Variants in CDX1 observed in about 807,000 individuals in gnomAD.
The protein encoded by CDX1 is homeobox protein CDX-1.
Under a neutral mutation model 16.9 loss-of-function variants are expected in CDX1, and 9 were observed. The observed-to-expected ratio is 0.53, with a 90% CI of 0.32 to 0.93. The LOEUF is 0.93. Ranked by LOEUF, CDX1 falls within the 40% of genes least tolerant of loss-of-function variation. CDX1 has a pLI of 0.04. For synonymous variants in CDX1, 179 were observed against 179.0 expected (o/e 1.00, Z 0.00); for missense variants, 393 against 386.1 (o/e 1.02, Z -0.15).
At position 150,167,267 on chromosome 5, in the gene CDX1, A is replaced by G. The variant is rs1488107066; in HGVS notation, c.391A>G (p.Thr131Ala). ...TPSSPGAQRP[T>A]PYEWMRRSVA... The stretch of plus-strand genomic sequence containing the variant: ...GTCCTCGCCCGGAGCGCAGAGGCCG[A>G]CGCCCTACGAGTGGATGCGGCGCAG... Residue 131 changes from threonine (T) to alanine (A), a missense_variant, in exon 1 of 3, where the codon ACG becomes GCG. Coordinates refer to ENST00000231656, the MANE Select transcript of CDX1 (RefSeq NM_001804.3). 1.6e-6 allele frequency: 2 copies of G among 1,267,494 alleles called. No homozygotes were observed. The highest frequency in any genetic ancestry group is 2.0e-6 in the Non-Finnish European group (2 of 1,012,834). 78.5% of individuals were successfully genotyped at this position (1,267,494 alleles called of 1,614,324 possible).
chr5:150,177,915 C>G (rs1212211400), intron 1 of CDX1, among the ~76,000 whole-genome samples: 1 of 152,166 alleles, frequency 6.6e-6, no homozygotes, highest in Non-Finnish European at 1.5e-5. Flanking sequence ...CACAGCCCCT[C>G]TCCAGAGCCC....
At position 150,183,718 on chromosome 5, in the gene CDX1, T is replaced by C. The variant is rs778111175; in HGVS notation, c.*38T>C. 4 of 1,462,312 alleles carry C rather than the reference T, an allele frequency of 2.7e-6. No homozygotes were observed. The highest frequency in any genetic ancestry group is 2.7e-6 in the Non-Finnish European group (3 of 1,096,486). 90.6% of individuals were successfully genotyped at this position (1,462,312 alleles called of 1,614,324 possible). A position where few individuals can be genotyped will look rare whatever the true frequency, so the allele number is the denominator to read the frequency against. ...CCTGTGCGCCGGGGGACCTGGGGAC[T>C]CGGGTGCTGGGAGTGTGGCTCCTGT... On this transcript the variant is annotated 3_prime_UTR_variant, in exon 3 of 3. Transcript: ENST00000231656.
At chr5:150,176,946 C>T (rs1180804914) in intron 1 of CDX1, among the ~76,000 whole-genome samples, 1 of 152,232 alleles carries the variant, frequency 6.6e-6, no homozygotes, top group Non-Finnish European at 1.5e-5. Context: ...CTGGACCACC[C>T]AGGGAGGAGT....
chr5:150,181,729 T>C (rs1055101669), intron 1 of CDX1, among the ~76,000 whole-genome samples: 1 of 152,166 alleles, frequency 6.6e-6, no homozygotes, highest in South Asian at 2.1e-4. Flanking sequence ...TCTGAAACAC[T>C]TATCAACTAG....
chr5:150,168,648 G>A (rs2113947332), intron 1 of CDX1, among the ~76,000 whole-genome samples: 1 of 152,358 alleles, frequency 6.6e-6, no homozygotes, highest in African/African-American at 2.4e-5. Flanking sequence ...GGCATAGAGA[G>A]TTTAAGTACT....
intron 1 of CDX1, among the ~76,000 whole-genome samples, chr5:150,175,509 A>C (rs1761557499): frequency 6.6e-6 from 1 of 152,032 alleles, no homozygotes; most frequent in East Asian, 2.0e-4. Flanking sequence ...AGGACTCCCA[A>C]AATGGCTGGC....
intron 2 of CDX1, 104 bp downstream of exon 2, chr5:150,183,017 G>T: frequency 7.5e-7 from 1 of 1,335,884 alleles, no homozygotes; most frequent in Non-Finnish European, 1.0e-6. Flanking sequence ...CAGAGAGGTT[G>T]AGTCTCCAGG....
At chr5:150,171,198 C>T (rs1311274452) in intron 1 of CDX1, among the ~76,000 whole-genome samples, 1 of 152,248 alleles carries the variant, frequency 6.6e-6, no homozygotes, top group East Asian at 1.9e-4. Flanking sequence ...AACCTGCTGT[C>T]TCACCTTCAG....
At chr5:150,181,782 C>T (rs1360958810) in intron 1 of CDX1, among the ~76,000 whole-genome samples, 2 of 152,140 alleles carry the variant, frequency 1.3e-5, no homozygotes, top group South Asian at 4.1e-4. Flanking sequence ...CATCATCTCC[C>T]TCCCCTAGAA....
chr5:150,183,746 G>T lies in CDX1; in HGVS notation c.*66G>T. The T allele has an allele frequency of 2.3e-6, 3 of 1,324,090 alleles. No homozygotes were observed. The highest frequency in any genetic ancestry group is 3.0e-6 in the Non-Finnish European group (3 of 988,068). 82.0% of individuals were successfully genotyped at this position (1,324,090 alleles called of 1,614,324 possible). On this transcript the variant is annotated 3_prime_UTR_variant, in exon 3 of 3. Transcript: ENST00000231656. ...GGTGCTGGGAGTGTGGCTCCTGTGG[G>T]CCCAGGAGGTCTGGTCCGAGTCTCA...
intron 1 of CDX1, among the ~76,000 whole-genome samples, chr5:150,182,468 C>T (rs1209861692): frequency 6.6e-6 from 1 of 152,208 alleles, no homozygotes; most frequent in African/African-American, 2.4e-5. Context: ...GGTCAGGAGA[C>T]CTGGGCTGAA....
intron 1 of CDX1, among the ~76,000 whole-genome samples, chr5:150,175,182 A>T (rs1334388787): frequency 6.6e-6 from 1 of 152,206 alleles, no homozygotes; most frequent in Non-Finnish European, 1.5e-5. Flanking sequence ...TGGTCTCCAT[A>T]ACTACCATAT....
Position 150,167,139 on chromosome 5 carries a change from C to T in CDX1, c.263C>T (p.Ala88Val). 7.5e-7 allele frequency: 1 copy of T among 1,324,870 alleles called. No homozygotes were observed. The highest frequency in any genetic ancestry group is 9.6e-7 in the Non-Finnish European group (1 of 1,046,490). The allele number at this position is 1,324,870 out of a possible 1,614,324, so 82.1% of individuals were successfully genotyped here. ...PGPAAPAASP[A>V]SLAFGPPPDF... is the part of the protein sequence containing the mutation. ...CCCGCGGCCCCTGCCGCCAGCCCAG[C>T]TTCGCTGGCATTCGGGCCCCCTCCA... is the stretch of plus-strand genomic sequence containing the variant. The change falls in exon 1 of 3, where the codon GCT becomes GTT. Residue 88 changes from alanine to valine, a missense_variant. Coordinates refer to ENST00000231656, the MANE Select transcript of CDX1 (RefSeq NM_001804.3).
At chr5:150,183,108 G>C (rs1397228975) in intron 2 of CDX1, among the ~76,000 whole-genome samples, 195 bp downstream of exon 2, 3 of 152,202 alleles carry the variant, frequency 2.0e-5, no homozygotes, top group African/African-American at 7.2e-5. Context: ...GCCCCCAAAG[G>C]CAGGGGTAAG....
At position 150,182,848 on chromosome 5, in the gene CDX1, A is replaced by C. The variant is rs772595006; in HGVS notation, c.526A>C (p.Ser176Arg). The change falls in exon 2 of 3, where the codon AGC becomes CGC. Residue 176 changes from serine (S) to arginine (R), a missense_variant. Coordinates refer to ENST00000231656, the MANE Select transcript of CDX1 (RefSeq NM_001804.3). ...GGAGCTGGAGAAGGAGTTTCATTAC[A>C]GCCGTTACATCACAATCCGGCGGAA... ...RLELEKEFHYSRYITIRRKSE... is the reference protein window; with the variant it reads ...RLELEKEFHYRRYITIRRKSE... 1 of 1,613,706 alleles carries C rather than the reference A, an allele frequency of 6.2e-7. No individual in the cohort carries two copies. Among genetic ancestry groups the C allele is most frequent in the Non-Finnish European group, 8.5e-7 (1 of 1,179,754 alleles).
At chr5:150,170,659 A>G (rs942716579) in intron 1 of CDX1, among the ~76,000 whole-genome samples, 3 of 152,024 alleles carry the variant, frequency 2.0e-5, no homozygotes, top group African/African-American at 7.3e-5. Context: ...TGGTACCCCA[A>G]CTCACCTGGG....
intron 1 of CDX1, among the ~76,000 whole-genome samples, chr5:150,169,248 G>A (rs1312158537): frequency 6.6e-6 from 1 of 152,100 alleles, no homozygotes; most frequent in Non-Finnish European, 1.5e-5. Context: ...ATCACCTCGT[G>A]TCTCTGGGCA....
intron 1 of CDX1, among the ~76,000 whole-genome samples, chr5:150,178,471 G>A (rs577554295): frequency 3.3e-5 from 5 of 152,090 alleles, no homozygotes; most frequent in East Asian, 1.9e-4. Flanking sequence ...TAGCTCCAGC[G>A]TCCCAGGGGC....
intron 1 of CDX1, among the ~76,000 whole-genome samples, chr5:150,172,620 G>A (rs369551362): frequency 1.3e-5 from 2 of 152,174 alleles, no homozygotes; most frequent in East Asian, 1.9e-4. Flanking sequence ...AGCCAGGTTG[G>A]GGGGAAAGGA....
Sources: allele counts gnomAD v4.1 joint callset (sites outside exome capture counted in the v4.1 genomes callset), GRCh38; gene constraint gnomAD v4.1.1; transcripts MANE v1.5; gene names NCBI Gene and HGNC (gene_info 2026-07-23, HGNC 2026-07-21).